The following SLC2A13 variants were observed in gnomAD, a reference collection of about 807,000 sequenced individuals.
SLC2A13 encodes proton myo-inositol cotransporter.
In SLC2A13, 32 loss-of-function variants were observed where a neutral mutation model predicts 64.4. That is an observed-to-expected ratio of 0.50 (90% CI 0.37 to 0.67). SLC2A13 has a LOEUF of 0.67. Among genes scored for constraint, SLC2A13 ranks in the 30% least tolerant of loss-of-function variants. The pLI, the probability that SLC2A13 is intolerant of heterozygous loss-of-function variation, is 0.00. For missense variants in SLC2A13, 743 were observed against 829.2 expected (o/e 0.90, Z 1.28); for synonymous variants, 338 against 327.1 (o/e 1.03, Z -0.36).
intron 6 of SLC2A13, among the ~76,000 whole-genome samples, chr12:39,845,885 A>G (rs1014554297): frequency 3.9e-5 from 6 of 152,168 alleles, no homozygotes; most frequent in Admixed American, 3.3e-4. Flanking sequence ...TCAGGTTCAC[A>G]TGGATAATTC....
At chr12:39,771,573 T>C (rs765285545) in intron 7 of SLC2A13, among the ~76,000 whole-genome samples, 14 of 152,168 alleles carry the variant, frequency 9.2e-5, no homozygotes, top group African/African-American at 2.4e-4. Flanking sequence ...TGTGCATTGA[T>C]TGTAGGCTTG....
chr12:39,882,710 C>T (rs532363356), intron 4 of SLC2A13, among the ~76,000 whole-genome samples: 1 of 152,276 alleles, frequency 6.6e-6, no homozygotes, highest in South Asian at 2.1e-4. Flanking sequence ...CATACCCGAC[C>T]AGTCTACATT....
At chr12:39,840,046 T>C (rs887687193) in intron 6 of SLC2A13, among the ~76,000 whole-genome samples, 6 of 152,108 alleles carry the variant, frequency 3.9e-5, no homozygotes, top group Non-Finnish European at 7.4e-5. Flanking sequence ...TTTGTTTTGT[T>C]TTTGAGACAG....
intron 4 of SLC2A13, among the ~76,000 whole-genome samples, chr12:39,934,773 A>G (rs1481671120): frequency 6.6e-6 from 1 of 152,258 alleles, no homozygotes; most frequent in East Asian, 1.9e-4. Flanking sequence ...AAATAGAAAT[A>G]GGAGAACCTT....
chr12:39,937,315 G>C (rs959146580), intron 4 of SLC2A13, among the ~76,000 whole-genome samples: 17 of 152,150 alleles, frequency 1.1e-4, no homozygotes, highest in African/African-American at 4.1e-4. Context: ...AAGTCATATT[G>C]TGTATCTCTG....
intron 4 of SLC2A13, among the ~76,000 whole-genome samples, chr12:39,900,603 A>G (rs1486954107): frequency 2.6e-5 from 4 of 152,190 alleles, no homozygotes; most frequent in African/African-American, 9.7e-5. Context: ...TTCAAAGAGA[A>G]TAAAATACCT....
intron 3 of SLC2A13, among the ~76,000 whole-genome samples, chr12:39,984,039 T>A (rs1946976367): frequency 6.6e-6 from 1 of 151,822 alleles, no homozygotes; most frequent in Non-Finnish European, 1.5e-5. Flanking sequence ...GGGACATGGA[T>A]GAAATTGGAA....
rs770562340 is a variant in SLC2A13 at position 39,871,991 on chromosome 12, T to C, written c.1035-30A>G. 18 of 1,507,652 alleles carry C rather than the reference T, an allele frequency of 1.2e-5. No individual in the cohort carries two copies. The South Asian group carries it at 1.9e-4, about 16-fold the overall frequency. 93.4% of individuals were successfully genotyped at this position (1,507,652 alleles called of 1,614,324 possible). A position where few individuals can be genotyped will look rare whatever the true frequency, so the allele number is the denominator to read the frequency against. ...AAAGCAATGAATAAAACAATTGCTATTGATAGTTACCCAAAGAAACAGGGT... is the reference window on the plus strand; with the variant it reads ...AAAGCAATGAATAAAACAATTGCTACTGATAGTTACCCAAAGAAACAGGGT... On this transcript the variant is annotated intron_variant, in intron 4 of 9. Coordinates refer to ENST00000280871, the MANE Select transcript of SLC2A13 (RefSeq NM_052885.4).
chr12:40,098,272 G>T (rs1939030799), intron 1 of SLC2A13, among the ~76,000 whole-genome samples: 1 of 152,172 alleles, frequency 6.6e-6, no homozygotes, highest in Non-Finnish European at 1.5e-5. Flanking sequence ...CCACTTACGT[G>T]AAGTATCCAA....
chr12:39,933,630 T>C (rs1034208976), intron 4 of SLC2A13, among the ~76,000 whole-genome samples: 17 of 152,200 alleles, frequency 1.1e-4, no homozygotes, highest in African/African-American at 3.9e-4. Flanking sequence ...TAAAATATCC[T>C]GTGGTCTCCT....
At chr12:40,096,419 AT>A (rs1938945136) in intron 1 of SLC2A13, among the ~76,000 whole-genome samples, 1 of 151,750 alleles carries the variant, frequency 6.6e-6, no homozygotes, top group South Asian at 2.1e-4. Flanking sequence ...TTACCATAAT[AT>A]TTTTCCAATC....
chr12:39,890,589 T>C (rs533876225), intron 4 of SLC2A13, among the ~76,000 whole-genome samples: 1 of 152,342 alleles, frequency 6.6e-6, no homozygotes, highest in Admixed American at 6.5e-5. Context: ...CATACTAGAC[T>C]GTAAGATAAT....
chr12:39,774,015 C>T (rs73272533), intron 7 of SLC2A13, among the ~76,000 whole-genome samples: 2,363 of 152,168 alleles, frequency 0.016, 54 homozygotes, highest in African/African-American at 0.053. Context: ...GGACAAGGTC[C>T]CTAAGCTATC....
chr12:39,894,346 A>G (rs929356927), intron 4 of SLC2A13, among the ~76,000 whole-genome samples: 3 of 152,234 alleles, frequency 2.0e-5, no homozygotes, highest in African/African-American at 7.2e-5. Context: ...ACATTTGTGA[A>G]TATGATGATT....
intron 3 of SLC2A13, among the ~76,000 whole-genome samples, chr12:39,969,249 A>G (rs1467976447): frequency 3.3e-5 from 5 of 152,164 alleles, no homozygotes; most frequent in Non-Finnish European, 7.4e-5. Flanking sequence ...GAGTAGTGCC[A>G]CAATAAACAT....
chr12:40,057,985 C>A (rs1026490462), intron 1 of SLC2A13, among the ~76,000 whole-genome samples: 31 of 151,938 alleles, frequency 2.0e-4, no homozygotes, highest in African/African-American at 7.3e-4. Flanking sequence ...ACAATATTAT[C>A]TTTCCATCTA....
intron 4 of SLC2A13, among the ~76,000 whole-genome samples, chr12:39,922,395 C>CA (rs1945630050): frequency 6.6e-6 from 1 of 152,048 alleles, no homozygotes; most frequent in African/African-American, 2.4e-5. Flanking sequence ...CTGCCTAAAA[C>CA]AAAAAAGAGA....
chr12:40,084,178 A>G (rs1007734923), intron 1 of SLC2A13, among the ~76,000 whole-genome samples: 4 of 151,954 alleles, frequency 2.6e-5, no homozygotes, highest in African/African-American at 9.7e-5. Context: ...ATACTAAGAT[A>G]TTGTAAAAAA....
At chr12:39,915,187 A>G (rs930870292) in intron 4 of SLC2A13, among the ~76,000 whole-genome samples, 1 of 152,052 alleles carries the variant, frequency 6.6e-6, no homozygotes, top group African/African-American at 2.4e-5. Flanking sequence ...TTCTAGGATG[A>G]TATTATAAAA....
Sources: allele counts gnomAD v4.1 joint callset (sites outside exome capture counted in the v4.1 genomes callset), GRCh38; gene constraint gnomAD v4.1.1; transcripts MANE v1.5; gene names NCBI Gene and HGNC (gene_info 2026-07-23, HGNC 2026-07-21).